Variants in SORCS2 observed in about 807,000 individuals in gnomAD.
The protein encoded by SORCS2 is VPS10 domain-containing receptor SorCS2.
In SORCS2, 100 loss-of-function variants were observed where a neutral mutation model predicts 141.6. The observed-to-expected ratio is 0.71, with a 90% confidence interval of 0.60 to 0.83. SORCS2 has a LOEUF of 0.83. Among genes scored for constraint, SORCS2 ranks in the 40% least tolerant of loss-of-function variants. SORCS2 has a pLI of 0.00. For synonymous variants in SORCS2, 789 were observed against 676.9 expected (o/e 1.17, Z -2.57); for missense variants, 1,646 against 1,560.2 (o/e 1.05, Z -0.93).
At chr4:7,231,385 T>C (rs7435365) in intron 1 of SORCS2, among the ~76,000 whole-genome samples, 95,418 of 152,094 alleles carry the variant, frequency 0.63, 30,089 homozygotes, top group East Asian at 0.75. Context: ...CCTGCAGAAA[T>C]ACCCAGAATA....
intron 1 of SORCS2, among the ~76,000 whole-genome samples, chr4:7,213,723 G>A (rs1274270843): frequency 2.0e-5 from 3 of 152,234 alleles, no homozygotes; most frequent in Admixed American, 2.0e-4. Flanking sequence ...CCTGGGAACA[G>A]CAGAGCTGGG....
At chr4:7,592,651 G>T (rs188548429) in intron 3 of SORCS2, among the ~76,000 whole-genome samples, 2 of 152,204 alleles carry the variant, frequency 1.3e-5, no homozygotes. Context: ...TGGGGTCCCC[G>T]AATGACTGTG....
chr4:7,698,116 G>A (rs1222738794), intron 12 of SORCS2, among the ~76,000 whole-genome samples: 1 of 152,200 alleles, frequency 6.6e-6, no homozygotes, highest in Non-Finnish European at 1.5e-5. Flanking sequence ...CCGCCTCACT[G>A]TACACTGGCT....
intron 9 of SORCS2, among the ~76,000 whole-genome samples, chr4:7,677,308 G>A (rs551018536): frequency 1.7e-4 from 26 of 152,306 alleles, no homozygotes; most frequent in Middle Eastern, 6.8e-3. Flanking sequence ...CAGCAGCCCC[G>A]CCCCGGCCAG....
chr4:7,704,079 G>A, intron 13 of SORCS2, 98 bp from the exon 14 acceptor site: 3 of 1,051,306 alleles, frequency 2.9e-6, no homozygotes, highest in Admixed American at 2.0e-5. Context: ...GTTGGCTAGT[G>A]CAGCCTCCGC....
At chr4:7,633,544 CTTGCTTGGACCAT>C (rs137907478) in intron 3 of SORCS2, among the ~76,000 whole-genome samples, 20,944 of 152,156 alleles carry the variant, frequency 0.14, 1,714 homozygotes, top group Non-Finnish European at 0.19. Context: ...TACCTGAATC[CTTGCTTGGACCAT>C]GTGGTTTTGC....
intron 1 of SORCS2, among the ~76,000 whole-genome samples, chr4:7,364,981 T>C (rs1721791970): frequency 6.6e-6 from 1 of 152,222 alleles, no homozygotes; most frequent in African/African-American, 2.4e-5. Flanking sequence ...CAGGATCTCA[T>C]CTGTGGAGTG....
chr4:7,336,778 G>T (rs1720014866), intron 1 of SORCS2, among the ~76,000 whole-genome samples: 1 of 152,314 alleles, frequency 6.6e-6, no homozygotes, highest in South Asian at 2.1e-4. Context: ...AGCAGCTTGG[G>T]TGGCAGGCTC....
chr4:7,498,764 G>C (rs1731783474), intron 2 of SORCS2, among the ~76,000 whole-genome samples: 1 of 152,240 alleles, frequency 6.6e-6, no homozygotes, highest in South Asian at 2.1e-4. Context: ...GGGTGTCAGG[G>C]CTGCCCGGGA....
At chr4:7,451,944 C>T (rs941533862) in intron 2 of SORCS2, among the ~76,000 whole-genome samples, 6 of 152,202 alleles carry the variant, frequency 3.9e-5, no homozygotes, top group South Asian at 2.1e-4. Context: ...GAGGTGCTTG[C>T]GCGAGTGCAC....
At chr4:7,356,260 G>A (rs886107923) in intron 1 of SORCS2, among the ~76,000 whole-genome samples, 7 of 152,166 alleles carry the variant, frequency 4.6e-5, no homozygotes, top group Admixed American at 1.3e-4. Context: ...TGCCTTATTC[G>A]GTTTGTTTTC....
Position 7,712,736 on chromosome 4 carries a change from C to G in SORCS2, c.1872C>G (p.Val624=), listed in dbSNP as rs1480761425. The change falls in exon 15 of 27, where the codon GTC becomes GTG. Residue 624 remains valine (V), a synonymous_variant. Coordinates refer to ENST00000507866, the MANE Select transcript of SORCS2 (RefSeq NM_020777.3). The part of the protein sequence containing the change: ...EPGDETLVMT[V]FGHISFRSDW... Reference sequence around the variant, plus strand: ...TTCCCTCCTCTTCCCACCCCAGGGTCTTTGGCCACATCAGCTTCCGCTCCG... The same window carrying G: ...TTCCCTCCTCTTCCCACCCCAGGGTGTTTGGCCACATCAGCTTCCGCTCCG... 1.2e-6 allele frequency: 2 copies of G among 1,614,020 alleles called. No homozygotes were observed. The highest frequency in any genetic ancestry group is 2.2e-5 in the East Asian group (1 of 44,888).
At chr4:7,410,419 GTT>G (rs1200660606) in intron 2 of SORCS2, among the ~76,000 whole-genome samples, 1 of 152,150 alleles carries the variant, frequency 6.6e-6, no homozygotes, top group African/African-American at 2.4e-5. Context: ...ACAGGCCTTC[GTT>G]TCAATTCTGG....
chr4:7,477,553 A>G (rs1263991273), intron 2 of SORCS2, among the ~76,000 whole-genome samples: 2 of 151,998 alleles, frequency 1.3e-5, no homozygotes, highest in Non-Finnish European at 2.9e-5. Context: ...TCAAAGTTGG[A>G]TTGGCTAAGA....
intron 1 of SORCS2, among the ~76,000 whole-genome samples, chr4:7,390,117 C>T (rs1030794674): frequency 3.9e-5 from 6 of 152,170 alleles, no homozygotes; most frequent in African/African-American, 1.2e-4. Context: ...AGTGACACTG[C>T]GGGCTTTCAG....
In SORCS2 at chr4:7,397,413, G is replaced by A. The variant is rs144528145; in HGVS notation, c.548+1058G>A. On this transcript the variant is annotated intron_variant, in intron 2 of 26. Transcript: ENST00000507866. ...GGGTTTAAGACACTCACAGTCCCCC[G>A]AGTAGTCCTCAGCCGCTCCCAGCAA... 6.1e-3 allele frequency among the ~76,000 whole-genome samples: 934 copies of A among 152,056 alleles called. 5 individuals are homozygous for A. The highest frequency in any genetic ancestry group is 0.031 in the Middle Eastern group (9 of 294).
At chr4:7,216,678 C>T (rs1452303379) in intron 1 of SORCS2, among the ~76,000 whole-genome samples, 1 of 152,206 alleles carries the variant, frequency 6.6e-6, no homozygotes, top group Non-Finnish European at 1.5e-5. Context: ...CCTCCTGCCT[C>T]CCTCTTTTAA....
chr4:7,628,282 G>A (rs967628883), intron 3 of SORCS2, among the ~76,000 whole-genome samples: 46 of 152,098 alleles, frequency 3.0e-4, no homozygotes, highest in Non-Finnish European at 5.9e-4. Flanking sequence ...CAGCACCTTC[G>A]GAGGCCGAGG....
intron 1 of SORCS2, among the ~76,000 whole-genome samples, chr4:7,333,896 C>T (rs1054825269): frequency 1.3e-5 from 2 of 152,188 alleles, no homozygotes; most frequent in African/African-American, 4.8e-5. Flanking sequence ...TGGCTGTTGA[C>T]TAAGAAGGCA....
Sources: gnomAD v4.1 joint callset for allele counts (sites outside exome capture counted in the v4.1 genomes callset) on GRCh38, gnomAD v4.1.1 for gene constraint, MANE v1.5 for transcripts, NCBI Gene and HGNC (gene_info 2026-07-23, HGNC 2026-07-21) for gene names.